The following ASTN2 variants were observed in gnomAD, a reference collection of about 807,000 sequenced individuals.
The protein encoded by ASTN2 is astrotactin 2.
In ASTN2, 54 loss-of-function variants were observed where a neutral mutation model predicts 139.8. That is an observed-to-expected ratio of 0.39 (90% CI 0.31 to 0.48). The LOEUF is 0.48. Ranked by LOEUF, ASTN2 falls within the 20% of genes least tolerant of loss-of-function variation. The pLI is 0.95. For synonymous variants in ASTN2, 756 were observed against 719.5 expected, an observed-to-expected ratio of 1.05 and a Z score of -0.81; for missense variants, 1,565 against 1,725.1, an observed-to-expected ratio of 0.91 and a Z score of 1.64.
intron 3 of ASTN2, among the ~76,000 whole-genome samples, chr9:117,158,290 A>G (rs1287626866): frequency 6.6e-6 from 1 of 152,084 alleles, no homozygotes; most frequent in Non-Finnish European, 1.5e-5. Context: ...CAGGACATGC[A>G]TTTAGAAAAG....
chr9:117,405,246 G>A (rs538781775), intron 1 of ASTN2, among the ~76,000 whole-genome samples: 1 of 152,340 alleles, frequency 6.6e-6, no homozygotes, highest in South Asian at 2.1e-4. Context: ...GTTCTATGCA[G>A]CATGCAAGGC....
At chr9:116,690,829 T>TA (rs1300112775) in intron 16 of ASTN2, among the ~76,000 whole-genome samples, 6 of 152,210 alleles carry the variant, frequency 3.9e-5, no homozygotes, top group East Asian at 1.9e-4. Context: ...TGAGAACATA[T>TA]AAAAAAATGC....
intron 17 of ASTN2, among the ~76,000 whole-genome samples, chr9:116,635,769 C>G (rs1857043946): frequency 6.6e-6 from 1 of 152,162 alleles, no homozygotes; most frequent in Non-Finnish European, 1.5e-5. Flanking sequence ...AAAGCCCAAG[C>G]TCTTTTGATA....
intron 3 of ASTN2, among the ~76,000 whole-genome samples, chr9:117,189,765 G>T (rs1284585400): frequency 6.6e-6 from 1 of 152,124 alleles, no homozygotes; most frequent in African/African-American, 2.4e-5. Flanking sequence ...GTTCTTAAAG[G>T]TCTCTTGGTC....
At chr9:117,089,314 T>C (rs1828644437) in intron 5 of ASTN2, among the ~76,000 whole-genome samples, 1 of 152,208 alleles carries the variant, frequency 6.6e-6, no homozygotes, top group Non-Finnish European at 1.5e-5. Context: ...CATTCTTTGC[T>C]CTATGGAGTA....
intron 16 of ASTN2, among the ~76,000 whole-genome samples, chr9:116,680,163 T>C (rs1226216574): frequency 6.6e-6 from 1 of 151,978 alleles, no homozygotes; most frequent in African/African-American, 2.4e-5. Context: ...AAGAATCAAA[T>C]AGACGCAATA....
chr9:117,177,198 C>G (rs1026318942), intron 3 of ASTN2, among the ~76,000 whole-genome samples: 1 of 152,148 alleles, frequency 6.6e-6, no homozygotes, highest in Non-Finnish European at 1.5e-5. Context: ...ACAATGAGGT[C>G]TAATGATAAA....
intron 5 of ASTN2, among the ~76,000 whole-genome samples, chr9:117,067,265 T>A (rs1463560614): frequency 1.0e-3 from 136 of 129,996 alleles, no homozygotes; most frequent in African/African-American, 3.4e-3. Flanking sequence ...AAATAGGGAA[T>A]CCTTTCCCCA....
intron 5 of ASTN2, among the ~76,000 whole-genome samples, chr9:117,056,088 C>T (rs1230905867): frequency 3.9e-5 from 6 of 152,198 alleles, no homozygotes. Flanking sequence ...AAGCTGGGAA[C>T]AGATCCCTCC....
At chr9:117,030,290 T>C (rs1197965356) in intron 6 of ASTN2, among the ~76,000 whole-genome samples, 2 of 152,214 alleles carry the variant, frequency 1.3e-5, no homozygotes, top group African/African-American at 4.8e-5. Flanking sequence ...TCTCTTTCCG[T>C]TCTAAAAGTC....
At chr9:116,710,749 A>T (rs1405064273) in intron 16 of ASTN2, among the ~76,000 whole-genome samples, 1 of 147,876 alleles carries the variant, frequency 6.8e-6, no homozygotes, top group Non-Finnish European at 1.5e-5. Context: ...AAAAAAAAAA[A>T]AAAAAAAAGA....
intron 19 of ASTN2, among the ~76,000 whole-genome samples, chr9:116,523,047 A>G (rs1438173424): frequency 2.6e-5 from 4 of 152,216 alleles, no homozygotes; most frequent in Admixed American, 1.3e-4. Context: ...CAAAGACCCC[A>G]AAACTAAGAT....
At chr9:117,264,863 C>T (rs957849109) in intron 2 of ASTN2, among the ~76,000 whole-genome samples, 1 of 152,174 alleles carries the variant, frequency 6.6e-6, no homozygotes, top group African/African-American at 2.4e-5. Context: ...AGAAATCACA[C>T]ACATAGTGGA....
intron 17 of ASTN2, among the ~76,000 whole-genome samples, chr9:116,633,670 C>T (rs1856919529): frequency 6.6e-6 from 1 of 152,200 alleles, no homozygotes; most frequent in Non-Finnish European, 1.5e-5. Context: ...TCTTCTGTGG[C>T]CACTGATGAT....
intron 10 of ASTN2, among the ~76,000 whole-genome samples, chr9:116,879,945 G>A (rs990840040): frequency 6.6e-6 from 1 of 152,066 alleles, no homozygotes; most frequent in Admixed American, 6.5e-5. Flanking sequence ...CAAATGAAAA[G>A]GCATTCTAAA....
At chr9:117,359,677 T>A (rs551885877) in intron 1 of ASTN2, among the ~76,000 whole-genome samples, 2 of 152,256 alleles carry the variant, frequency 1.3e-5, no homozygotes, top group East Asian at 3.9e-4. Context: ...ACAGTGTAGA[T>A]GTCATTCTAA....
chr9:117,200,144 A>G (rs1188213992), intron 3 of ASTN2, among the ~76,000 whole-genome samples: 1 of 151,648 alleles, frequency 6.6e-6, no homozygotes, highest in Non-Finnish European at 1.5e-5. Context: ...GGTTTGTTAC[A>G]TATGTATACA....
intron 3 of ASTN2, among the ~76,000 whole-genome samples, chr9:117,151,064 C>T (rs995801701): frequency 6.6e-6 from 1 of 152,062 alleles, no homozygotes; most frequent in South Asian, 2.1e-4. Context: ...AGTCTCCCTA[C>T]GTTGCTTAGG....
chr9:117,334,687 G>A (rs1564152102), intron 1 of ASTN2, among the ~76,000 whole-genome samples: 1 of 151,918 alleles, frequency 6.6e-6, no homozygotes, highest in Admixed American at 6.6e-5. Flanking sequence ...AGCCTCCTGT[G>A]GCTCACTCTT....
Sources: allele counts gnomAD v4.1 joint callset (sites outside exome capture counted in the v4.1 genomes callset), GRCh38; gene constraint gnomAD v4.1.1; transcripts MANE v1.5; gene names NCBI Gene and HGNC (gene_info 2026-07-23, HGNC 2026-07-21).